ADGRV1: variants seen among roughly 807,000 people sequenced by gnomAD.
ADGRV1 encodes the protein adhesion G protein-coupled receptor V1.
Under a neutral mutation model 596.2 loss-of-function variants are expected in ADGRV1, and 359 were observed. The observed-to-expected ratio is 0.60, with a 90% CI of 0.55 to 0.66. The LOEUF is 0.66. Among genes scored for constraint, ADGRV1 ranks in the 30% least tolerant of loss-of-function variants. ADGRV1 has a pLI of 0.00. For missense variants in ADGRV1, 7,274 were observed against 7,575.6 expected, an observed-to-expected ratio of 0.96 and a Z score of 1.48; for synonymous variants, 2,681 against 2,679.2, an observed-to-expected ratio of 1.00 and a Z score of -0.02.
rs868385966 is a variant in ADGRV1, at chr5:91,162,457, C to T, written c.18803-1325C>T. Among the ~76,000 whole-genome samples the T allele has an allele frequency of 2.6e-5, 4 of 152,144 alleles. 1 individual carries two copies. The highest frequency in any genetic ancestry group is 3.4e-3 in the Middle Eastern group (1 of 294). On this transcript the variant is annotated intron_variant, in intron 89 of 89. Transcript: ENST00000405460. Reference sequence around the variant, plus strand: ...AAGGCAGTGACCTGCTGCTCCGTGTCCTGAGCTTGGAAACCCTAGTGAGAC... The same window carrying T: ...AAGGCAGTGACCTGCTGCTCCGTGTTCTGAGCTTGGAAACCCTAGTGAGAC...
intron 84 of ADGRV1, among the ~76,000 whole-genome samples, chr5:90,978,816 G>C (rs1483919076): frequency 3.3e-5 from 5 of 152,016 alleles, no homozygotes; most frequent in Admixed American, 3.3e-4. Context: ...CAAATAAATT[G>C]TAAAATTATT....
Position 90,829,057 on chromosome 5 carries a change from T to A in ADGRV1, c.16482T>A (p.Ser5494=). The part of the protein sequence containing the change: ...AQIKILESDE[S]QSLVYFSVGS... ...TTAAAATCTTAGAAAGTGATGAATCTCAAAGCCTTGTGTATTTTTCTGTGG... is the reference window on the plus strand; with the variant it reads ...TTAAAATCTTAGAAAGTGATGAATCACAAAGCCTTGTGTATTTTTCTGTGG... Residue 5494 remains serine (S), a synonymous_variant, in exon 77 of 90, where the codon TCT becomes TCA. Coordinates refer to ENST00000405460, the MANE Select transcript of ADGRV1 (RefSeq NM_032119.4). The A allele has an allele frequency of 2.5e-6, 4 of 1,612,574 alleles. No individual in the cohort carries two copies. The highest frequency in any genetic ancestry group is 3.4e-6 in the Non-Finnish European group (4 of 1,179,016).
chr5:90,901,219 A>T lies in ADGRV1; in HGVS notation c.17856+37362A>T, dbSNP rs548451479. Reference sequence around the variant, plus strand: ...TTAATTTCATAGGGATTTAAATAGGATAAAGACACAGCTCTAAATTCTTTA... The same window carrying T: ...TTAATTTCATAGGGATTTAAATAGGTTAAAGACACAGCTCTAAATTCTTTA... On this transcript the variant is annotated intron_variant, in intron 83 of 89. Coordinates refer to ENST00000405460, the MANE Select transcript of ADGRV1 (RefSeq NM_032119.4). 3.8e-4 allele frequency among the ~76,000 whole-genome samples: 58 copies of T among 152,292 alleles called. 1 individual carries two copies. The South Asian group carries it at 0.012, about 31-fold the overall frequency.
At chr5:90,692,547 T>G (rs1746615062) in intron 31 of ADGRV1, 58 bp from the exon 32 acceptor site, 2 of 1,357,598 alleles carry the variant, frequency 1.5e-6, no homozygotes, top group Admixed American at 2.6e-5. Context: ...CCTTGAATCA[T>G]TTTTATTCTA....
In ADGRV1 at chr5:90,647,417, G is replaced by A. The variant is rs1767941886; in HGVS notation, c.3023-81G>A. 33 of 1,399,490 alleles carry A rather than the reference G, an allele frequency of 2.4e-5. No homozygotes were observed. In the South Asian group the frequency reaches 2.4e-4, roughly 10 times the overall value. The allele number at this position is 1,399,490 out of a possible 1,614,324, so 86.7% of individuals were successfully genotyped here. ...CAGTACAAGGCTTCTCTCTTGGAGG[G>A]CAGGGAGAAGCACAATGTGATCTGA... On this transcript the variant is annotated intron_variant, in intron 16 of 89. Transcript: ENST00000405460.
intron 21 of ADGRV1, among the ~76,000 whole-genome samples, chr5:90,669,078 T>G (rs1405007356): frequency 6.6e-6 from 1 of 152,256 alleles, no homozygotes; most frequent in Non-Finnish European, 1.5e-5. Context: ...ATTTAACTCA[T>G]GAGATGTTAC....
At chr5:91,087,399 C>T (rs12153127) in intron 86 of ADGRV1, among the ~76,000 whole-genome samples, 65,296 of 151,836 alleles carry the variant, frequency 0.43, 16,518 homozygotes, top group Non-Finnish European at 0.57. Flanking sequence ...CGAGTTCAAG[C>T]GATTCTCCTG....
chr5:90,893,805 ATATT>A (rs1771050917), intron 83 of ADGRV1, among the ~76,000 whole-genome samples: 1 of 152,200 alleles, frequency 6.6e-6, no homozygotes, highest in Non-Finnish European at 1.5e-5. Flanking sequence ...AGCTAATTCA[ATATT>A]TATTTTTTCC....
In ADGRV1 at chr5:90,874,951, A is replaced by C. The variant is rs537151345; in HGVS notation, c.17856+11094A>C. ...CTTTCTTATAAAGAGCATTCTTGGCAATCTAAAACTAACCTATCACCATTT... is the reference window on the plus strand; with the variant it reads ...CTTTCTTATAAAGAGCATTCTTGGCCATCTAAAACTAACCTATCACCATTT... On this transcript the variant is annotated intron_variant, in intron 83 of 89. Coordinates refer to ENST00000405460, the MANE Select transcript of ADGRV1 (RefSeq NM_032119.4). Among the ~76,000 whole-genome samples the C allele has an allele frequency of 9.2e-5, 14 of 152,368 alleles. No individual in the cohort carries two copies. The South Asian group carries it at 2.9e-3, about 32-fold the overall frequency.
At chr5:90,619,873 T>C (rs1763834096) in intron 4 of ADGRV1, among the ~76,000 whole-genome samples, 1 of 151,778 alleles carries the variant, frequency 6.6e-6, no homozygotes, top group Admixed American at 6.6e-5. Context: ...GTCCTTGCGA[T>C]AGTTTGCTGA....
intron 85 of ADGRV1, among the ~76,000 whole-genome samples, chr5:91,050,193 T>C (rs1363847722): frequency 6.6e-6 from 1 of 152,238 alleles, no homozygotes; most frequent in Non-Finnish European, 1.5e-5. Context: ...ATTTGAGGAC[T>C]AGCATTAATT....
At position 90,684,017 on chromosome 5, in the gene ADGRV1, G is replaced by A. The variant is rs1163484369; in HGVS notation, c.6096G>A (p.Ala2032=). 37 of 1,613,808 alleles carry A rather than the reference G, an allele frequency of 2.3e-5. No individual in the cohort carries two copies. The highest frequency in any genetic ancestry group is 2.8e-5 in the Non-Finnish European group (33 of 1,179,862). The change falls in exon 28 of 90, where the codon GCG becomes GCA. Residue 2032 remains alanine, a synonymous_variant. Transcript: ENST00000405460. ...EKPPYFPPNL[A]RATQGRDYIP... ...CACCTTATTTTCCACCTAATTTAGCGAGAGCAACTCAAGGAAGAGACTATA... is the reference window on the plus strand; with the variant it reads ...CACCTTATTTTCCACCTAATTTAGCAAGAGCAACTCAAGGAAGAGACTATA...
At chr5:91,063,173 G>T (rs1787597730) in intron 85 of ADGRV1, among the ~76,000 whole-genome samples, 1 of 151,498 alleles carries the variant, frequency 6.6e-6, no homozygotes, top group African/African-American at 2.4e-5. Context: ...TGCTCAGGCT[G>T]GTCTTGAACT....
chr5:90,810,404 C>A lies in ADGRV1; in HGVS notation c.15144C>A (p.Ser5048Arg), dbSNP rs763414194. The A allele has an allele frequency of 1.2e-6, 2 of 1,613,604 alleles. No homozygotes were observed. Among genetic ancestry groups the A allele is most frequent in the South Asian group, 2.2e-5 (2 of 91,064 alleles). The change falls in exon 74 of 90, where the codon AGC becomes AGA. Residue 5048 changes from serine (S) to arginine (R), a missense_variant. By Grantham distance (110) the Ser-to-Arg change is moderately radical. Transcript: ENST00000405460. ...IKVSYQTTAG[S>R]AKPLEDFEPV... ...TTTCTTATCAGACCACTGCAGGAAGCGCCAAGCCACTGGAAGATTTTGAGC... is the reference window on the plus strand; with the variant it reads ...TTTCTTATCAGACCACTGCAGGAAGAGCCAAGCCACTGGAAGATTTTGAGC...
chr5:90,698,087 C>A (rs149956498), intron 34 of ADGRV1, among the ~76,000 whole-genome samples: 3 of 152,180 alleles, frequency 2.0e-5, no homozygotes, highest in Admixed American at 2.0e-4. Context: ...AATATTCGAG[C>A]CATTTTCAGT....
At chr5:90,644,035 T>C (rs1767357044) in intron 14 of ADGRV1, 52 bp downstream of exon 14, 1 of 1,252,990 alleles carries the variant, frequency 8.0e-7, no homozygotes, top group South Asian at 1.9e-5. Context: ...AGAAGAAATA[T>C]AATTTTTTTA....
intron 76 of ADGRV1, 109 bp downstream of exon 76, chr5:90,823,705 T>C: frequency 2.1e-6 from 2 of 961,314 alleles, no homozygotes; most frequent in Admixed American, 5.1e-5. Context: ...GGAGATTCTT[T>C]GTGTTTTTCT....
At position 90,694,590 on chromosome 5, in the gene ADGRV1, A is replaced by C; in HGVS notation, c.7834A>C (p.Arg2612=). The C allele has an allele frequency of 6.2e-7, 1 of 1,613,856 alleles. No homozygotes were observed. Among genetic ancestry groups the C allele is most frequent in the Non-Finnish European group, 8.5e-7 (1 of 1,179,810 alleles). Residue 2612 remains arginine, a synonymous_variant, in exon 33 of 90, where the codon AGG becomes CGG. Transcript: ENST00000405460. The stretch of plus-strand genomic sequence containing the variant: ...AACCTTGGTGGAGCTGATGATACAC[A>C]GGACAGGGGGCAGCTTAGGTCAAGT... ...PQTLVELMIH[R]TGGSLGQVAV...
In ADGRV1 at chr5:90,848,603, T is replaced by C. The variant is rs750724589; in HGVS notation, c.17020-34T>C. 1.2e-5 allele frequency: 15 copies of C among 1,222,402 alleles called. 2 individuals carry two copies. In the South Asian group the frequency reaches 2.6e-4, roughly 21 times the overall value. The allele number at this position is 1,222,402 out of a possible 1,614,324, so 75.7% of individuals were successfully genotyped here. ...ATATAATTTAAGAAATTTATTTTTA[T>C]AGATATATTTTTATACTTAGATTCT... On this transcript the variant is annotated intron_variant, in intron 78 of 89. Coordinates refer to ENST00000405460, the MANE Select transcript of ADGRV1 (RefSeq NM_032119.4).
Sources: allele counts gnomAD v4.1 joint callset (sites outside exome capture counted in the v4.1 genomes callset), GRCh38; gene constraint gnomAD v4.1.1; transcripts MANE v1.5; gene names NCBI Gene and HGNC (gene_info 2026-07-23, HGNC 2026-07-21).